The following MED12L variants were observed in gnomAD, a reference collection of about 807,000 sequenced individuals.
MED12L encodes mediator complex subunit 12L, also known as mediator of RNA polymerase II transcription subunit 12-like protein.
Under a neutral mutation model 281.3 loss-of-function variants are expected in MED12L, and 60 were observed. The ratio of observed to expected loss-of-function variants is 0.21; its 90% CI spans 0.17 to 0.26. The LOEUF (loss-of-function observed/expected upper bound fraction) is 0.26. MED12L is among the 10% of genes least tolerant of loss of function. The pLI, the probability that MED12L is intolerant of heterozygous loss-of-function variation, is 1.00. For missense variants in MED12L, 2,146 were observed against 2,680.9 expected (o/e 0.80, Z 4.41); for synonymous variants, 974 against 987.2 (o/e 0.99, Z 0.25).
chr3:151,299,971 G>T, intron 16 of MED12L: 1 of 822,718 alleles, frequency 1.2e-6, no homozygotes, highest in Non-Finnish European at 2.2e-6. Flanking sequence ...TTTGTTAGTT[G>T]GTTCTCTGAC....
intron 21 of MED12L, among the ~76,000 whole-genome samples, chr3:151,362,144 G>A (rs1329110194): frequency 6.6e-6 from 1 of 151,878 alleles, no homozygotes; most frequent in Non-Finnish European, 1.5e-5. Context: ...TTACCGCTGT[G>A]GATACCTCTG....
intron 43 of MED12L, among the ~76,000 whole-genome samples, chr3:151,426,599 A>G (rs1399603118): frequency 6.6e-6 from 1 of 152,160 alleles, no homozygotes; most frequent in Non-Finnish European, 1.5e-5. Flanking sequence ...AAGTTGGTCA[A>G]ATTTCTTGGC....
intron 16 of MED12L, among the ~76,000 whole-genome samples, chr3:151,247,962 C>CT (rs61102632): frequency 0.12 from 9,232 of 75,592 alleles, 843 homozygotes; most frequent in Non-Finnish European, 0.15. Context: ...TCTTCTTCTT[C>CT]TTTTTTTTTT....
At chr3:151,211,468 G>A (rs186501981) in intron 16 of MED12L, among the ~76,000 whole-genome samples, 1 of 149,736 alleles carries the variant, frequency 6.7e-6, no homozygotes, top group African/African-American at 2.5e-5. Flanking sequence ...ATTTGTGATA[G>A]CATAGCAATT....
At chr3:151,228,446 C>T (rs1469780491) in intron 16 of MED12L, among the ~76,000 whole-genome samples, 5 of 152,096 alleles carry the variant, frequency 3.3e-5, no homozygotes, top group African/African-American at 7.2e-5. Context: ...CTATCAGGCT[C>T]CTGACAGTTT....
At chr3:151,210,652 C>A (rs1400973372) in intron 16 of MED12L, among the ~76,000 whole-genome samples, 1 of 152,208 alleles carries the variant, frequency 6.6e-6, no homozygotes, top group Non-Finnish European at 1.5e-5. Flanking sequence ...TTTTGAATAT[C>A]TTTCTGTGAG....
chr3:151,152,832 G>T (rs527279638), intron 5 of MED12L, among the ~76,000 whole-genome samples: 8 of 152,252 alleles, frequency 5.3e-5, no homozygotes, highest in African/African-American at 1.9e-4. Context: ...ACTAAATGCT[G>T]CCCTACACTA....
At chr3:151,202,166 A>C (rs1220224339) in intron 16 of MED12L, among the ~76,000 whole-genome samples, 1 of 152,242 alleles carries the variant, frequency 6.6e-6, no homozygotes, top group Non-Finnish European at 1.5e-5. Flanking sequence ...CTGTTTATTT[A>C]AAATTTTTGC....
intron 17 of MED12L, among the ~76,000 whole-genome samples, chr3:151,352,872 C>A (rs1365567420): frequency 1.3e-5 from 2 of 151,732 alleles, no homozygotes; most frequent in African/African-American, 2.4e-5. Context: ...AAAAGAAAAT[C>A]AAAATTAAGC....
At chr3:151,316,765 C>T (rs1274884125) in intron 16 of MED12L, 1 of 152,190 alleles carries the variant, frequency 6.6e-6, no homozygotes, top group Non-Finnish European at 1.5e-5. Flanking sequence ...CTCCCTTACC[C>T]CTTTAGAGAT....
At chr3:151,430,816 C>A (rs139692389) in intron 44 of MED12L, among the ~76,000 whole-genome samples, 9 of 101,100 alleles carry the variant, frequency 8.9e-5, no homozygotes, top group Non-Finnish European at 1.8e-4. Context: ...AATGTTCTTA[C>A]CACTGCACCA....
intron 6 of MED12L, 36 bp downstream of exon 6, chr3:151,156,366 G>C: frequency 6.5e-7 from 1 of 1,535,838 alleles, no homozygotes; most frequent in Non-Finnish European, 8.8e-7. Flanking sequence ...TGTGTGCAAT[G>C]CTTTTAAGAA....
intron 4 of MED12L, 54 bp from the exon 5 acceptor site, chr3:151,127,771 A>G: frequency 7.7e-7 from 1 of 1,292,708 alleles, no homozygotes; most frequent in African/African-American, 1.5e-5. Flanking sequence ...AGGTTTATCT[A>G]GTGATGAACA....
chr3:151,424,324 C>T (rs1280929587), intron 43 of MED12L, among the ~76,000 whole-genome samples: 2 of 152,186 alleles, frequency 1.3e-5, no homozygotes, highest in African/African-American at 2.4e-5. Flanking sequence ...AAACTGTGTA[C>T]AGATTAGATG....
intron 16 of MED12L, chr3:151,338,923 G>A (rs1030232393): frequency 1.3e-4 from 188 of 1,462,946 alleles, no homozygotes; most frequent in Non-Finnish European, 1.6e-4. Flanking sequence ...TGTTATCTCT[G>A]TGTGTAACTT....
chr3:151,390,264 T>C (rs1410781500), intron 38 of MED12L, 129 bp downstream of exon 38: 1 of 831,824 alleles, frequency 1.2e-6, no homozygotes, highest in African/African-American at 1.7e-5. Context: ...ATTTCTGTAA[T>C]TCCCTTCACA....
intron 16 of MED12L, among the ~76,000 whole-genome samples, chr3:151,281,425 A>T (rs1742795352): frequency 6.6e-6 from 1 of 151,938 alleles, no homozygotes; most frequent in African/African-American, 2.4e-5. Flanking sequence ...AAATAAATAA[A>T]AAATAAAAAG....
chr3:151,233,352 T>G (rs140676955), intron 16 of MED12L, among the ~76,000 whole-genome samples: 1 of 152,374 alleles, frequency 6.6e-6, no homozygotes, highest in East Asian at 1.9e-4. Flanking sequence ...ACAGTGTTAA[T>G]TGCTTTTAAA....
intron 16 of MED12L, among the ~76,000 whole-genome samples, chr3:151,289,379 A>T (rs1239802582): frequency 1.3e-5 from 2 of 152,344 alleles, no homozygotes; most frequent in African/African-American, 2.4e-5. Flanking sequence ...AAGGCATAGA[A>T]AAAGATACTC....
Sources: gnomAD v4.1 joint callset for allele counts (sites outside exome capture counted in the v4.1 genomes callset) on GRCh38, gnomAD v4.1.1 for gene constraint, MANE v1.5 for transcripts, NCBI Gene and HGNC (gene_info 2026-07-23, HGNC 2026-07-21) for gene names.